EGFLAM: variants seen among roughly 807,000 people sequenced by gnomAD.
The protein encoded by EGFLAM is pikachurin.
Under a neutral mutation model 113.1 loss-of-function variants are expected in EGFLAM, and 79 were observed. The ratio of observed to expected loss-of-function variants is 0.70; its 90% confidence interval spans 0.58 to 0.84. The LOEUF (loss-of-function observed/expected upper bound fraction) is 0.84. Ranked by LOEUF, EGFLAM falls within the 40% of genes least tolerant of loss-of-function variation. The pLI is 0.00. For synonymous variants in EGFLAM, 504 were observed against 487.6 expected, an observed-to-expected ratio of 1.03 and a Z score of -0.44; for missense variants, 1,265 against 1,291.6, an observed-to-expected ratio of 0.98 and a Z score of 0.32.
intron 5 of EGFLAM, among the ~76,000 whole-genome samples, chr5:38,364,293 C>T (rs943193602): frequency 6.6e-6 from 1 of 151,992 alleles, no homozygotes; most frequent in Non-Finnish European, 1.5e-5. Context: ...GCAGGCATGG[C>T]GATCAGGAAC....
chr5:38,370,545 G>A (rs879515829), intron 6 of EGFLAM, 83 bp downstream of exon 6: 110 of 1,478,802 alleles, frequency 7.4e-5, no homozygotes, highest in African/African-American at 4.6e-4. Flanking sequence ...CCTGGATGCC[G>A]TGCAGAAGGA....
In EGFLAM at chr5:38,407,815, C is replaced by T. The variant is rs761156845; in HGVS notation, c.1158C>T (p.Ile386=). 6.2e-6 allele frequency: 10 copies of T among 1,610,452 alleles called. No individual in the cohort carries two copies. In the Admixed American group the frequency reaches 1.0e-4, roughly 16 times the overall value. The change falls in exon 9 of 22, where the codon ATC becomes ATT. Residue 386 remains isoleucine, a synonymous_variant. Coordinates refer to ENST00000322350, the MANE Select transcript of EGFLAM (RefSeq NM_152403.4). ...TTTTTTCTTCTTCAGATATTGTTAT[C>T]CAGTATCCTCAGTTCTTTGGCCACT... The part of the protein sequence containing the change: ...GGESCSEDIV[I]QYPQFFGHSY...
intron 16 of EGFLAM, among the ~76,000 whole-genome samples, 168 bp downstream of exon 16, chr5:38,435,421 C>T (rs910603392): frequency 1.3e-5 from 2 of 152,242 alleles, no homozygotes; most frequent in South Asian, 4.1e-4. Context: ...TCCAACCTCA[C>T]TTTCTTAGAA....
chr5:38,362,674 A>T (rs1020199399), intron 5 of EGFLAM, among the ~76,000 whole-genome samples: 1 of 152,188 alleles, frequency 6.6e-6, no homozygotes, highest in Non-Finnish European at 1.5e-5. Flanking sequence ...TTCACAAAGA[A>T]TTCTTTTCCT....
At chr5:38,395,696 G>A (rs147344758) in intron 6 of EGFLAM, among the ~76,000 whole-genome samples, 14 of 152,228 alleles carry the variant, frequency 9.2e-5, no homozygotes, top group African/African-American at 3.1e-4. Flanking sequence ...AGCTGTAGGC[G>A]TGTAAGTCTC....
At chr5:38,422,362 C>G (rs1325947533) in intron 12 of EGFLAM, among the ~76,000 whole-genome samples, 1 of 152,138 alleles carries the variant, frequency 6.6e-6, no homozygotes, top group African/African-American at 2.4e-5. Context: ...TGAACCTATT[C>G]AGCTACACTC....
At chr5:38,352,434 G>T in intron 5 of EGFLAM, 103 bp downstream of exon 5, 1 of 1,485,090 alleles carries the variant, frequency 6.7e-7, no homozygotes, top group South Asian at 1.2e-5. Context: ...AGATCACAAG[G>T]TCAGGAGTTC....
chr5:38,430,065 G>C (rs558169113), intron 14 of EGFLAM: 28 of 227,252 alleles, frequency 1.2e-4, no homozygotes, highest in South Asian at 7.8e-4. Flanking sequence ...GCAATCTGAC[G>C]TGCCATCATC....
At chr5:38,422,047 T>C (rs1392923974) in intron 12 of EGFLAM, among the ~76,000 whole-genome samples, 1 of 152,022 alleles carries the variant, frequency 6.6e-6, no homozygotes, top group East Asian at 1.9e-4. Flanking sequence ...GACAGATCAT[T>C]AGGGGAAAAA....
At chr5:38,276,723 A>G (rs1118171) in intron 1 of EGFLAM, among the ~76,000 whole-genome samples, 62,896 of 151,934 alleles carry the variant, frequency 0.41, 13,560 homozygotes, top group Middle Eastern at 0.58. Context: ...AAAAATCAGG[A>G]TGAAAAAGGA....
At chr5:38,458,182 GT>G (rs1561106522) in intron 19 of EGFLAM, 128 bp from the exon 20 acceptor site, 3 of 743,900 alleles carry the variant, frequency 4.0e-6, no homozygotes, top group African/African-American at 1.8e-5. Context: ...TAACACTCTT[GT>G]TTTTTGTTAA....
In EGFLAM at chr5:38,406,261, T is replaced by A. The variant is rs1331502592; in HGVS notation, c.828+20T>A. The A allele has an allele frequency of 6.2e-7, 1 of 1,604,020 alleles. No individual in the cohort carries two copies. Among genetic ancestry groups the A allele is most frequent in the East Asian group, 2.2e-5 (1 of 44,830 alleles). The stretch of plus-strand genomic sequence containing the variant: ...GAGGAGGTAACAATAATCTCTGCTC[T>A]TAAAACCCAGGGTGTTTGTGTTTTC... On this transcript the variant is annotated intron_variant, in intron 7 of 21. Coordinates refer to ENST00000322350, the MANE Select transcript of EGFLAM (RefSeq NM_152403.4).
At chr5:38,318,253 G>C (rs1738651413) in intron 1 of EGFLAM, among the ~76,000 whole-genome samples, 3 of 151,264 alleles carry the variant, frequency 2.0e-5, no homozygotes, top group Admixed American at 2.0e-4. Context: ...TATGGTGATA[G>C]TATAGTATAC....
intron 6 of EGFLAM, chr5:38,402,209 C>T (rs962427470): frequency 4.6e-5 from 7 of 152,274 alleles, no homozygotes; most frequent in Admixed American, 3.9e-4. Flanking sequence ...TATTATATAG[C>T]TTTTAAAGAG....
At position 38,464,976 on chromosome 5, in the gene EGFLAM, G is replaced by A. The variant is rs1301352112; in HGVS notation, c.*990G>A. On this transcript the variant is annotated 3_prime_UTR_variant, in exon 22 of 22. Transcript: ENST00000322350. ...TCATTTTTGTTTTAAGAGTTGGGGG[G>A]AGTATCTATAGTAAACTTGAATAAA... 4 of 152,334 alleles carry A rather than the reference G, an allele frequency of 2.6e-5. No individual in the cohort carries two copies. The highest frequency in any genetic ancestry group is 1.9e-4 in the East Asian group (1 of 5,184). The allele number at this position is 152,334 out of a possible 1,614,324, so 9.4% of individuals were successfully genotyped here. A position where few individuals can be genotyped will look rare whatever the true frequency, so the allele number is the denominator to read the frequency against.
intron 13 of EGFLAM, among the ~76,000 whole-genome samples, chr5:38,426,060 AC>A (rs1741997151): frequency 6.6e-6 from 1 of 151,510 alleles, no homozygotes; most frequent in Admixed American, 6.6e-5. Flanking sequence ...CCGAGATAGC[AC>A]CACTGTACTC....
chr5:38,328,392 C>T (rs1738943945), intron 1 of EGFLAM, among the ~76,000 whole-genome samples: 1 of 152,184 alleles, frequency 6.6e-6, no homozygotes. Flanking sequence ...CAGATCCAAA[C>T]CATATTAGTA....
At chr5:38,352,072 A>G in intron 4 of EGFLAM, 124 bp from the exon 5 acceptor site, 3 of 1,376,316 alleles carry the variant, frequency 2.2e-6, no homozygotes, top group Non-Finnish European at 3.0e-6. Flanking sequence ...TATAGGAAGC[A>G]CTCGAGCTGT....
chr5:38,412,703 C>A, intron 11 of EGFLAM, 55 bp downstream of exon 11: 1 of 1,586,882 alleles, frequency 6.3e-7, no homozygotes, highest in South Asian at 1.1e-5. Flanking sequence ...CATAAGTCTC[C>A]TGAGAAGGGC....
Sources: allele counts gnomAD v4.1 joint callset (sites outside exome capture counted in the v4.1 genomes callset), GRCh38; gene constraint gnomAD v4.1.1; transcripts MANE v1.5; gene names NCBI Gene and HGNC (gene_info 2026-07-23, HGNC 2026-07-21).